RALGAPA2: variants seen among roughly 807,000 people sequenced by gnomAD.
RALGAPA2 encodes ral GTPase-activating protein subunit alpha-2.
In RALGAPA2, 139 loss-of-function variants were observed where a neutral mutation model predicts 230.4. The ratio of observed to expected loss-of-function variants is 0.60; its 90% confidence interval spans 0.53 to 0.69. The LOEUF (loss-of-function observed/expected upper bound fraction) is 0.69, where lower values mean the gene tolerates loss of function less well. RALGAPA2 is among the 30% of genes least tolerant of loss of function. The probability of loss-of-function intolerance (pLI) is 0.00; values close to 1 mark genes in which losing one functional copy is unlikely to be tolerated. For missense variants in RALGAPA2, 2,163 were observed against 2,276.0 expected (o/e 0.95, Z 1.01); for synonymous variants, 847 against 837.8 (o/e 1.01, Z -0.19).
chr20:20,541,031 A>T (rs2063628048), intron 24 of RALGAPA2, among the ~76,000 whole-genome samples: 1 of 149,330 alleles, frequency 6.7e-6, no homozygotes, highest in South Asian at 2.1e-4. Context: ...GGCAATATAT[A>T]ATGAATTCAA....
chr20:20,462,731 G>C (rs986442221), intron 37 of RALGAPA2, among the ~76,000 whole-genome samples: 29 of 152,310 alleles, frequency 1.9e-4, no homozygotes, highest in African/African-American at 6.7e-4. Context: ...ACGGAAACCT[G>C]CTGGGAGCTC....
At chr20:20,525,348 C>A (rs535563350) in intron 28 of RALGAPA2, among the ~76,000 whole-genome samples, 1 of 152,292 alleles carries the variant, frequency 6.6e-6, no homozygotes, top group African/African-American at 2.4e-5. Context: ...TAAATTACAT[C>A]ATCACCCCAA....
intron 9 of RALGAPA2, among the ~76,000 whole-genome samples, chr20:20,634,971 C>T (rs1293363634): frequency 2.0e-5 from 3 of 152,222 alleles, no homozygotes; most frequent in Non-Finnish European, 4.4e-5. Flanking sequence ...TCCTGAGCTG[C>T]TGATCTACTT....
intron 37 of RALGAPA2, chr20:20,470,940 T>G (rs1048417612): frequency 6.6e-6 from 1 of 152,204 alleles, no homozygotes. Flanking sequence ...TGATTTCTTG[T>G]TTTAAACAAT....
chr20:20,614,354 T>A (rs146529252), intron 13 of RALGAPA2, among the ~76,000 whole-genome samples: 1 of 152,046 alleles, frequency 6.6e-6, no homozygotes, highest in African/African-American at 2.4e-5. Context: ...ATCAAAAATA[T>A]CAAAAAACTA....
chr20:20,436,904 G>A (rs765415158), intron 37 of RALGAPA2, among the ~76,000 whole-genome samples: 4 of 152,136 alleles, frequency 2.6e-5, no homozygotes, highest in Non-Finnish European at 5.9e-5. Flanking sequence ...CGGCCAGGGC[G>A]CCACCTCATC....
intron 10 of RALGAPA2, among the ~76,000 whole-genome samples, chr20:20,628,025 G>T (rs1322321903): frequency 6.6e-6 from 1 of 152,128 alleles, no homozygotes; most frequent in African/African-American, 2.4e-5. Flanking sequence ...AGAGTGAGAA[G>T]AACCAAGGCA....
intron 9 of RALGAPA2, among the ~76,000 whole-genome samples, chr20:20,634,549 G>C (rs2066792722): frequency 6.6e-6 from 1 of 152,140 alleles, no homozygotes; most frequent in Admixed American, 6.5e-5. Flanking sequence ...CCTCCATCAA[G>C]GTTCCTAATA....
intron 26 of RALGAPA2, among the ~76,000 whole-genome samples, chr20:20,533,335 G>T (rs912766163): frequency 5.9e-5 from 9 of 151,718 alleles, no homozygotes; most frequent in African/African-American, 1.9e-4. Context: ...TAATTAAAAA[G>T]AATAGAAAGT....
chr20:20,520,249 G>T (rs1337557009), intron 31 of RALGAPA2, among the ~76,000 whole-genome samples: 2 of 152,132 alleles, frequency 1.3e-5, no homozygotes, highest in African/African-American at 4.8e-5. Flanking sequence ...ATTTGTGTGT[G>T]TGTGTGTGTT....
intron 4 of RALGAPA2, among the ~76,000 whole-genome samples, chr20:20,646,633 C>T (rs2146554707): frequency 6.6e-6 from 1 of 152,194 alleles, no homozygotes; most frequent in African/African-American, 2.4e-5. Flanking sequence ...AGTCTTACTA[C>T]TTTTGAAGAG....
intron 3 of RALGAPA2, among the ~76,000 whole-genome samples, chr20:20,669,372 A>T (rs1350116161): frequency 2.0e-5 from 3 of 152,230 alleles, no homozygotes; most frequent in Non-Finnish European, 2.9e-5. Flanking sequence ...CCTCAATGAC[A>T]TAGGAAGGAT....
rs577269274 is a variant in RALGAPA2 at position 20,476,221 on chromosome 20, C to T, written c.5368-3265G>A. Among the ~76,000 whole-genome samples the T allele has an allele frequency of 3.3e-5, 5 of 151,982 alleles. No homozygotes were observed. The East Asian group carries it at 5.8e-4, about 18-fold the overall frequency. On this transcript the variant is annotated intron_variant, in intron 36 of 39. Coordinates refer to ENST00000202677, the MANE Select transcript of RALGAPA2 (RefSeq NM_020343.4). ...AAGCCTTTAAAAAATATACATGTACCGAATACTTCTAAGTTCATAAGGAAA... is the reference window on the plus strand; with the variant it reads ...AAGCCTTTAAAAAATATACATGTACTGAATACTTCTAAGTTCATAAGGAAA...
chr20:20,606,445 T>C (rs1487155547), intron 14 of RALGAPA2, among the ~76,000 whole-genome samples: 1 of 152,176 alleles, frequency 6.6e-6, no homozygotes, highest in South Asian at 2.1e-4. Context: ...AAGAGCATAA[T>C]AGTAAAAGGT....
At position 20,629,495 on chromosome 20, in the gene RALGAPA2, C is replaced by T; in HGVS notation, c.1101G>A (p.Leu367=). ...TGGAGTTGCTGAGTCTTCGGTCCGA[C>T]AAGGTGCTGCTGTTAGAATGGCTTT... ...QDKSHSNSST[L]SDRRLSNSSL... is the part of the protein sequence containing the mutation. Residue 367 remains leucine (L), a synonymous_variant, in exon 10 of 40, where the codon TTG becomes TTA. Coordinates refer to ENST00000202677, the MANE Select transcript of RALGAPA2 (RefSeq NM_020343.4). 2 of 1,613,974 alleles carry T rather than the reference C, an allele frequency of 1.2e-6. No homozygotes were observed. Among genetic ancestry groups the T allele is most frequent in the Non-Finnish European group, 1.7e-6 (2 of 1,179,886 alleles).
intron 37 of RALGAPA2, among the ~76,000 whole-genome samples, chr20:20,439,061 C>G (rs1320005107): frequency 6.6e-6 from 1 of 152,152 alleles, no homozygotes; most frequent in Non-Finnish European, 1.5e-5. Context: ...TATTTACCAT[C>G]TCTTTTCCCA....
intron 31 of RALGAPA2, among the ~76,000 whole-genome samples, chr20:20,519,779 C>T (rs1424377536): frequency 1.3e-5 from 2 of 152,194 alleles, no homozygotes; most frequent in Non-Finnish European, 2.9e-5. Flanking sequence ...AAGGATGTTT[C>T]TGCCCACAAG....
intron 36 of RALGAPA2, among the ~76,000 whole-genome samples, chr20:20,493,063 T>C (rs890700198): frequency 6.6e-5 from 10 of 152,226 alleles, no homozygotes; most frequent in Admixed American, 5.9e-4. Flanking sequence ...ACATTATGGA[T>C]ATAAAAGGCC....
chr20:20,686,573 T>C (rs2068708071), intron 1 of RALGAPA2, among the ~76,000 whole-genome samples: 1 of 151,558 alleles, frequency 6.6e-6, no homozygotes. Flanking sequence ...GGTTCTTACA[T>C]CACACGGCTG....
Sources: allele counts gnomAD v4.1 joint callset (sites outside exome capture counted in the v4.1 genomes callset), GRCh38; gene constraint gnomAD v4.1.1; transcripts MANE v1.5; gene names NCBI Gene and HGNC (gene_info 2026-07-23, HGNC 2026-07-21).